ADRA1B: variants seen among roughly 807,000 people sequenced by gnomAD.
The protein encoded by ADRA1B is adrenoceptor alpha 1B.
Under a neutral mutation model 17.9 loss-of-function variants are expected in ADRA1B, and 17 were observed. The observed-to-expected ratio is 0.95, with a 90% CI of 0.65 to 1.42. ADRA1B has a LOEUF of 1.42. Among genes scored for constraint, ADRA1B ranks in the 40% most tolerant of loss-of-function variants. The pLI is 0.00. For missense variants in ADRA1B, 681 were observed against 722.1 expected (o/e 0.94, Z 0.65); for synonymous variants, 366 against 327.6 (o/e 1.12, Z -1.27).
intron 1 of ADRA1B, among the ~76,000 whole-genome samples, chr5:159,939,276 AGAGTGTGT>A (rs756315353): frequency 1.6e-3 from 118 of 71,876 alleles, no homozygotes; most frequent in Middle Eastern, 6.8e-3. Flanking sequence ...AGAGAGAGAG[AGAGTGTGT>A]GTGTGTGTGT....
upstream of ADRA1B, among the ~76,000 whole-genome samples, chr5:159,913,423 C>A (rs1013450640): frequency 6.6e-6 from 1 of 152,188 alleles, no homozygotes; most frequent in Non-Finnish European, 1.5e-5. Flanking sequence ...TCCTGCTACA[C>A]GGCTGTTATT....
intron 1 of ADRA1B, among the ~76,000 whole-genome samples, chr5:159,909,580 C>T (rs1754203957): frequency 1.3e-5 from 2 of 152,222 alleles, no homozygotes; most frequent in Non-Finnish European, 2.9e-5. Flanking sequence ...ATTTAACTCA[C>T]ATCCCTGTTC....
intron 1 of ADRA1B, among the ~76,000 whole-genome samples, chr5:159,905,032 C>T (rs1754144824): frequency 6.6e-6 from 1 of 152,196 alleles, no homozygotes; most frequent in African/African-American, 2.4e-5. Context: ...AAGTCACTAT[C>T]CAGCGTTAGC....
intron 1 of ADRA1B, among the ~76,000 whole-genome samples, chr5:159,876,990 C>T (rs982797488): frequency 3.3e-5 from 5 of 152,170 alleles, no homozygotes; most frequent in Non-Finnish European, 5.9e-5. Context: ...AGATTTTCTT[C>T]CCCTAAGGGG....
chr5:159,920,776 A>G (rs531649961), intron 1 of ADRA1B, among the ~76,000 whole-genome samples: 2 of 152,216 alleles, frequency 1.3e-5, no homozygotes, highest in Non-Finnish European at 2.9e-5. Context: ...CTGAGTTGAA[A>G]TAACACCCAA....
the ADRA1B span, among the ~76,000 whole-genome samples, chr5:159,982,123 G>A: frequency 6.6e-6 from 1 of 152,162 alleles, no homozygotes; most frequent in Non-Finnish European, 1.5e-5. Context: ...TAAGGTCCCG[G>A]CCAACAGTCA....
intron 1 of ADRA1B, among the ~76,000 whole-genome samples, chr5:159,946,775 G>A (rs1755284909): frequency 6.6e-6 from 1 of 152,156 alleles, no homozygotes; most frequent in Non-Finnish European, 1.5e-5. Flanking sequence ...ACATAAACAT[G>A]GCATAGATTC....
intron 1 of ADRA1B, among the ~76,000 whole-genome samples, chr5:159,921,898 G>C (rs74437540): frequency 0.025 from 3,792 of 152,274 alleles, 164 homozygotes; most frequent in African/African-American, 0.086. Flanking sequence ...TAATCTTCCA[G>C]CTCTGAGATT....
intron 1 of ADRA1B, among the ~76,000 whole-genome samples, chr5:159,898,949 G>T (rs912092757): frequency 6.6e-6 from 1 of 152,060 alleles, no homozygotes; most frequent in Admixed American, 6.6e-5. Context: ...TTGAAGACCT[G>T]CCTGAACAAC....
At chr5:159,881,266 A>G (rs986724123) in intron 1 of ADRA1B, among the ~76,000 whole-genome samples, 2 of 150,246 alleles carry the variant, frequency 1.3e-5, no homozygotes, top group Non-Finnish European at 3.0e-5. Flanking sequence ...AGAAGATTAC[A>G]GGGTCTTGTG....
chr5:159,872,268 G>A (rs1753753849), intron 1 of ADRA1B, among the ~76,000 whole-genome samples: 1 of 152,178 alleles, frequency 6.6e-6, no homozygotes, highest in Non-Finnish European at 1.5e-5. Flanking sequence ...TTGCAGAGAT[G>A]CAGCTGCTGC....
chr5:159,969,948 C>T (rs982200710), intron 1 of ADRA1B, among the ~76,000 whole-genome samples: 8 of 151,884 alleles, frequency 5.3e-5, no homozygotes, highest in Admixed American at 3.9e-4. Flanking sequence ...AAAAAAAACA[C>T]ATTTTTATTC....
intron 1 of ADRA1B, among the ~76,000 whole-genome samples, chr5:159,927,149 G>A (rs912692541): frequency 3.3e-5 from 5 of 152,028 alleles, no homozygotes; most frequent in South Asian, 2.1e-4. Flanking sequence ...AAAGGCTGCC[G>A]TTCCACCTGC....
At chr5:159,950,563 C>G in intron 1 of ADRA1B, 1 of 1,413,230 alleles carries the variant, frequency 7.1e-7, no homozygotes, top group South Asian at 1.1e-5. Context: ...GTTGTCATAC[C>G]AGGAAATGAG....
chr5:159,910,051 T>TATAC (rs1198736342), intron 1 of ADRA1B, among the ~76,000 whole-genome samples: 2 of 152,190 alleles, frequency 1.3e-5, no homozygotes, highest in Admixed American at 6.5e-5. Flanking sequence ...ACATCTTATA[T>TATAC]ATACATACAT....
chr5:159,976,471 C>A (rs1755975963), downstream of ADRA1B, among the ~76,000 whole-genome samples: 1 of 151,962 alleles, frequency 6.6e-6, no homozygotes, highest in Non-Finnish European at 1.5e-5. Context: ...AGTTGGAGAA[C>A]AGCCTGGCCT....
intron 1 of ADRA1B, among the ~76,000 whole-genome samples, chr5:159,889,914 A>G (rs1014844682): frequency 6.6e-6 from 1 of 152,198 alleles, no homozygotes; most frequent in African/African-American, 2.4e-5. Flanking sequence ...CCTAACACTT[A>G]TGATTGTCTA....
intron 1 of ADRA1B, among the ~76,000 whole-genome samples, chr5:159,938,283 T>A (rs1755011324): frequency 6.6e-6 from 1 of 152,164 alleles, no homozygotes; most frequent in East Asian, 1.9e-4. Flanking sequence ...AATCCTCAGG[T>A]GTTAATTCAT....
At chr5:159,969,467 A>C (rs1055000808) in intron 1 of ADRA1B, among the ~76,000 whole-genome samples, 1 of 152,214 alleles carries the variant, frequency 6.6e-6, no homozygotes, top group East Asian at 1.9e-4. Flanking sequence ...CCAAAATCAA[A>C]GATGGGAATC....
Sources: gnomAD v4.1 joint callset for allele counts (sites outside exome capture counted in the v4.1 genomes callset) on GRCh38, gnomAD v4.1.1 for gene constraint, MANE v1.5 for transcripts, NCBI Gene and HGNC (gene_info 2026-07-23, HGNC 2026-07-21) for gene names.